TENM1: variants seen among roughly 807,000 people sequenced by gnomAD.
TENM1 encodes teneurin transmembrane protein 1.
A neutral mutation model predicts 174.8 loss-of-function variants in TENM1; 35 were observed. The ratio of observed to expected loss-of-function variants is 0.20; its 90% CI spans 0.15 to 0.27. The LOEUF is 0.27. Among genes scored for constraint, TENM1 ranks in the 10% least tolerant of loss-of-function variants. The probability of loss-of-function intolerance (pLI) is 1.00; values close to 1 mark genes in which losing one functional copy is unlikely to be tolerated. For missense variants in TENM1, 1,633 were observed against 2,130.1 expected, an observed-to-expected ratio of 0.77 and a Z score of 4.59; for synonymous variants, 781 against 798.7, an observed-to-expected ratio of 0.98 and a Z score of 0.37.
intron 3 of TENM1, among the ~76,000 whole-genome samples, chrX:124,780,174 AT>A (rs1454184605): frequency 1.8e-5 from 2 of 111,985 alleles, no homozygotes; most frequent in East Asian, 5.6e-4. Context: ...ATAAAATTGC[AT>A]TTTCAAACTC....
intron 3 of TENM1, among the ~76,000 whole-genome samples, chrX:124,874,650 C>T (rs769087574): frequency 3.2e-4 from 35 of 110,926 alleles, no homozygotes; most frequent in South Asian, 1.1e-3. Context: ...GAAATTCTCC[C>T]ATATTGCTTT....
At chrX:125,155,400 G>A in the TENM1 span, among the ~76,000 whole-genome samples, 4 of 112,251 alleles carry the variant, frequency 3.6e-5, no homozygotes, top group Non-Finnish European at 7.5e-5. Flanking sequence ...AGCCCAGCTG[G>A]CTTCACCCAG....
chrX:124,447,779 T>G (rs1005992016), intron 23 of TENM1, among the ~76,000 whole-genome samples: 5 of 111,456 alleles, frequency 4.5e-5, no homozygotes, highest in African/African-American at 1.6e-4. Context: ...CGTTTTTTCT[T>G]GAATACTGGT....
chrX:125,053,939 A>G, the TENM1 span, among the ~76,000 whole-genome samples: 7 of 111,915 alleles, frequency 6.3e-5, no homozygotes, highest in East Asian at 2.8e-4. Context: ...CCACTATGCC[A>G]AAACAAAATA....
intron 11 of TENM1, among the ~76,000 whole-genome samples, chrX:124,590,886 A>G (rs1482718064): frequency 8.9e-6 from 1 of 111,868 alleles, no homozygotes; most frequent in African/African-American, 3.2e-5. Context: ...ATAATTCTAG[A>G]AGTACTTGTT....
At chrX:124,937,404 A>C (rs1163384973) in intron 1 of TENM1, among the ~76,000 whole-genome samples, 2 of 111,757 alleles carry the variant, frequency 1.8e-5, no homozygotes, top group Admixed American at 9.5e-5. Context: ...CTGCTCCAAT[A>C]GTGCTTATTG....
At chrX:125,027,611 C>CTTTT in the TENM1 span, among the ~76,000 whole-genome samples, 17 of 83,080 alleles carry the variant, frequency 2.0e-4, no homozygotes, top group African/African-American at 2.7e-4. Context: ...TTTTCTTTTT[C>CTTTT]TTTTTTTTTT....
At chrX:124,502,825 G>A (rs755115629) in intron 19 of TENM1, among the ~76,000 whole-genome samples, 1 of 112,150 alleles carries the variant, frequency 8.9e-6, no homozygotes, top group South Asian at 3.7e-4. Context: ...GGTTAGCTTT[G>A]CCATTCAAAG....
chrX:124,670,821 C>T (rs2051901412), intron 6 of TENM1, among the ~76,000 whole-genome samples: 1 of 110,883 alleles, frequency 9.0e-6, no homozygotes, highest in African/African-American at 3.3e-5. Context: ...TGTGTTACCA[C>T]CTGTATAAAA....
the TENM1 span, among the ~76,000 whole-genome samples, chrX:125,033,284 G>C: frequency 9.0e-6 from 1 of 111,317 alleles, no homozygotes; most frequent in Admixed American, 9.6e-5. Flanking sequence ...ACTATTTTGT[G>C]TCAGGACTGT....
the TENM1 span, among the ~76,000 whole-genome samples, chrX:125,001,068 G>A: frequency 4.5e-5 from 5 of 109,932 alleles, no homozygotes. Flanking sequence ...TAATTGTATG[G>A]GTGACCTTGT....
the TENM1 span, among the ~76,000 whole-genome samples, chrX:125,118,591 T>A: frequency 9.0e-6 from 1 of 111,280 alleles, no homozygotes; most frequent in East Asian, 2.8e-4. Flanking sequence ...CCCAGTATTT[T>A]AAAATGGGCA....
At chrX:124,908,497 T>G (rs1022935915) in intron 1 of TENM1, among the ~76,000 whole-genome samples, 3 of 111,322 alleles carry the variant, frequency 2.7e-5, no homozygotes, top group Admixed American at 1.9e-4. Flanking sequence ...GCAAAGGACA[T>G]GAACTCATCC....
intron 3 of TENM1, among the ~76,000 whole-genome samples, chrX:124,883,207 T>G (rs2057330536): frequency 9.0e-6 from 1 of 111,669 alleles, no homozygotes; most frequent in African/African-American, 3.3e-5. Flanking sequence ...TTGTATTTGC[T>G]TTGGTAGGGG....
At chrX:124,962,293 G>A (rs1321292333) in intron 1 of TENM1, among the ~76,000 whole-genome samples, 1 of 111,476 alleles carries the variant, frequency 9.0e-6, no homozygotes, top group African/African-American at 3.3e-5. Context: ...CGGGGTTCAA[G>A]CAGTAATCTT....
At chrX:124,530,505 T>C (rs780365828) in intron 15 of TENM1, among the ~76,000 whole-genome samples, 6 of 111,506 alleles carry the variant, frequency 5.4e-5, no homozygotes, top group Non-Finnish European at 1.1e-4. Flanking sequence ...TTTTTCCTGC[T>C]TCTTGGTGTT....
chrX:124,650,079 G>A (rs765614562), intron 8 of TENM1, among the ~76,000 whole-genome samples: 1 of 108,139 alleles, frequency 9.2e-6, no homozygotes, highest in Middle Eastern at 4.7e-3. Context: ...GCAGGTGCCT[G>A]TAATCCCAGC....
chrX:124,591,958 T>C (rs2049756170), intron 11 of TENM1, among the ~76,000 whole-genome samples: 1 of 111,901 alleles, frequency 8.9e-6, no homozygotes, highest in Non-Finnish European at 1.9e-5. Flanking sequence ...ACTGGCATAG[T>C]TCAAAAGACT....
chrX:124,394,232 A>G (rs1314361656), intron 27 of TENM1, among the ~76,000 whole-genome samples: 1 of 112,298 alleles, frequency 8.9e-6, no homozygotes, highest in East Asian at 2.8e-4. Flanking sequence ...AAACTGATTC[A>G]CTAGCTACTC....
Sources: gnomAD v4.1 joint callset for allele counts (sites outside exome capture counted in the v4.1 genomes callset) on GRCh38, gnomAD v4.1.1 for gene constraint, MANE v1.5 for transcripts, NCBI Gene and HGNC (gene_info 2026-07-23, HGNC 2026-07-21) for gene names.